Variants in CDC42BPA observed in about 807,000 individuals in gnomAD.
CDC42BPA encodes serine/threonine-protein kinase MRCK alpha.
A neutral mutation model predicts 223.5 loss-of-function variants in CDC42BPA; 80 were observed. That is an observed-to-expected ratio of 0.36 (90% CI 0.30 to 0.43). The LOEUF is 0.43. CDC42BPA is among the 20% of genes least tolerant of loss of function. CDC42BPA has a pLI of 1.00. For missense variants in CDC42BPA, 1,743 were observed against 2,099.9 expected, an observed-to-expected ratio of 0.83 and a Z score of 3.32; for synonymous variants, 694 against 718.6, an observed-to-expected ratio of 0.97 and a Z score of 0.55.
At chr1:227,277,940 G>A (rs888488632) in intron 1 of CDC42BPA, among the ~76,000 whole-genome samples, 9 of 146,672 alleles carry the variant, frequency 6.1e-5, no homozygotes, top group Non-Finnish European at 1.2e-4. Context: ...TAGTAGAGAC[G>A]GGGTTTCACC....
At chr1:227,167,093 T>A (rs917511270) in intron 5 of CDC42BPA, among the ~76,000 whole-genome samples, 1 of 152,192 alleles carries the variant, frequency 6.6e-6, no homozygotes, top group African/African-American at 2.4e-5. Context: ...GATTTTGGCA[T>A]CTTACAATAC....
At chr1:227,235,445 ATAG>A (rs1678833229) in intron 2 of CDC42BPA, 1 of 152,244 alleles carries the variant, frequency 6.6e-6, no homozygotes. Context: ...CAAGTTGAAT[ATAG>A]CAAGTGGGGA....
At chr1:227,054,375 G>A (rs1400694836) in intron 21 of CDC42BPA, among the ~76,000 whole-genome samples, 1 of 152,108 alleles carries the variant, frequency 6.6e-6, no homozygotes, top group Non-Finnish European at 1.5e-5. Context: ...GACAGAAGTT[G>A]GGCATACTGT....
intron 11 of CDC42BPA, among the ~76,000 whole-genome samples, chr1:227,122,321 C>G (rs1688791276): frequency 1.3e-5 from 2 of 152,126 alleles, no homozygotes; most frequent in African/African-American, 2.4e-5. Flanking sequence ...GTGTTCTTCT[C>G]TAACATGTTG....
chr1:227,026,970 T>A (rs1299983510), intron 30 of CDC42BPA, among the ~76,000 whole-genome samples: 1 of 152,054 alleles, frequency 6.6e-6, no homozygotes, highest in African/African-American at 2.4e-5. Context: ...AAAGAAAATT[T>A]TTTATAGAGA....
At chr1:227,296,192 T>G (rs923276458) in intron 1 of CDC42BPA, among the ~76,000 whole-genome samples, 1 of 151,636 alleles carries the variant, frequency 6.6e-6, no homozygotes, top group Non-Finnish European at 1.5e-5. Flanking sequence ...GAACTGAGAG[T>G]CTAGAAAAAA....
chr1:227,149,455 A>G (rs1262391250), intron 6 of CDC42BPA, among the ~76,000 whole-genome samples: 1 of 152,162 alleles, frequency 6.6e-6, no homozygotes, highest in African/African-American at 2.4e-5. Flanking sequence ...TATAAACCAA[A>G]TGAGTAAACT....
chr1:227,064,005 T>C lies in CDC42BPA; in HGVS notation c.2904+5772A>G, dbSNP rs138873229. Among the ~76,000 whole-genome samples, 749 of 152,278 alleles carry C rather than the reference T, an allele frequency of 4.9e-3. 5 individuals carry two copies. The highest frequency in any genetic ancestry group is 0.017 in the African/African-American group (700 of 41,550). On this transcript the variant is annotated intron_variant, in intron 21 of 36. Transcript: ENST00000366766. ...GATGTTATACAAGGTTAAAATCAAGTCCAGAACTCAGCCTGCCAATGTTGT... is the reference window on the plus strand; with the variant it reads ...GATGTTATACAAGGTTAAAATCAAGCCCAGAACTCAGCCTGCCAATGTTGT...
chr1:227,011,690 AGGT>A (rs1665243778), intron 34 of CDC42BPA, among the ~76,000 whole-genome samples: 1 of 152,232 alleles, frequency 6.6e-6, no homozygotes, highest in Admixed American at 6.5e-5. Flanking sequence ...TTCAATGTTC[AGGT>A]ATATTTTTTA....
chr1:227,316,332 G>A (rs1694384289), intron 1 of CDC42BPA, among the ~76,000 whole-genome samples: 3 of 152,172 alleles, frequency 2.0e-5, no homozygotes, highest in Admixed American at 2.0e-4. Flanking sequence ...ATATTTAGAA[G>A]AATGAAGCCA....
At chr1:227,286,123 T>C (rs1188451419) in intron 1 of CDC42BPA, among the ~76,000 whole-genome samples, 1 of 152,170 alleles carries the variant, frequency 6.6e-6, no homozygotes, top group Admixed American at 6.5e-5. Context: ...CACAGCCCCC[T>C]TGGATTCCTC....
At chr1:227,149,481 CT>C (rs2149705816) in intron 6 of CDC42BPA, among the ~76,000 whole-genome samples, 1 of 152,262 alleles carries the variant, frequency 6.6e-6, no homozygotes, top group South Asian at 2.1e-4. Context: ...TTATGAGTAA[CT>C]CAGAAATCCC....
intron 2 of CDC42BPA, chr1:227,234,698 G>C (rs1229459977): frequency 6.6e-6 from 1 of 152,182 alleles, no homozygotes. Flanking sequence ...ATGGCTCTCA[G>C]CTCCCATGTG....
In CDC42BPA at chr1:227,074,091, T is replaced by C. The variant is rs556742768; in HGVS notation, c.2587-79A>G. ...ATTATAGTTAACCAGCTGTGTGTTA[T>C]GTTTTTCTAAACTGGAAAAGACCCA... On this transcript the variant is annotated intron_variant, in intron 18 of 36. Coordinates refer to ENST00000366766, the MANE Select transcript of CDC42BPA (RefSeq NM_001394014.1). 105 of 1,517,782 alleles carry C rather than the reference T, an allele frequency of 6.9e-5. No individual in the cohort carries two copies. The East Asian group carries it at 2.2e-3, about 31-fold the overall frequency. 94.0% of individuals were successfully genotyped at this position (1,517,782 alleles called of 1,614,324 possible). A position where few individuals can be genotyped will look rare whatever the true frequency, so the allele number is the denominator to read the frequency against.
In CDC42BPA at chr1:227,051,931, G is replaced by A. The variant is rs749200672; in HGVS notation, c.2959C>T (p.Gln987Ter). 2.3e-4 allele frequency: 318 copies of A among 1,366,356 alleles called. No homozygotes were observed. The highest frequency in any genetic ancestry group is 3.0e-4 in the Non-Finnish European group (307 of 1,021,796). The allele number at this position is 1,366,356 out of a possible 1,614,324, so 84.6% of individuals were successfully genotyped here. A position where few individuals can be genotyped will look rare whatever the true frequency, so the allele number is the denominator to read the frequency against. Residue 987 changes from glutamine to a stop codon, truncating the protein, a stop_gained, in exon 22 of 37, where the codon CAG (glutamine) becomes TAG (stop). Transcript: ENST00000366766. LOFTEE classifies it high-confidence loss of function. ...GTGGAAGGAGATGTGGACCGTGACTGGATGTGAAACTTGACGCTCGGGTTC... is the reference window on the plus strand; with the variant it reads ...GTGGAAGGAGATGTGGACCGTGACTAGATGTGAAACTTGACGCTCGGGTTC... ...VWNPSVKFHI[Q>*]SRSTSPSTSS... is the part of the protein sequence containing the mutation.
chr1:227,141,044 T>C (rs1461785141), intron 9 of CDC42BPA, among the ~76,000 whole-genome samples: 1 of 152,080 alleles, frequency 6.6e-6, no homozygotes, highest in Non-Finnish European at 1.5e-5. Flanking sequence ...CAGGAGAAGG[T>C]GGTATTTTAA....
chr1:227,274,643 C>A (rs759892795), intron 1 of CDC42BPA, among the ~76,000 whole-genome samples: 2 of 151,974 alleles, frequency 1.3e-5, no homozygotes, highest in Non-Finnish European at 2.9e-5. Context: ...GATTTCACAC[C>A]ACAGGAGAAA....
At chr1:227,268,185 G>A (rs1468524332) in intron 1 of CDC42BPA, among the ~76,000 whole-genome samples, 1 of 152,136 alleles carries the variant, frequency 6.6e-6, no homozygotes, top group Non-Finnish European at 1.5e-5. Context: ...CATGAAAAAT[G>A]TTTAAAACAC....
chr1:227,218,150 T>C (rs1427922781), intron 2 of CDC42BPA, among the ~76,000 whole-genome samples: 1 of 152,208 alleles, frequency 6.6e-6, no homozygotes, highest in African/African-American at 2.4e-5. Flanking sequence ...TATTCTCAGC[T>C]GCAAGTATAC....
Sources: allele counts gnomAD v4.1 joint callset (sites outside exome capture counted in the v4.1 genomes callset), GRCh38; gene constraint gnomAD v4.1.1; transcripts MANE v1.5; gene names NCBI Gene and HGNC (gene_info 2026-07-23, HGNC 2026-07-21).